The following DACH2 variants were observed in gnomAD, a reference collection of about 807,000 sequenced individuals.
DACH2 encodes the protein dachshund family transcription factor 2, also known as dachshund homolog 2.
A neutral mutation model predicts 35.8 loss-of-function variants in DACH2; 17 were observed. The observed-to-expected ratio is 0.48, with a 90% CI of 0.33 to 0.71. The LOEUF (loss-of-function observed/expected upper bound fraction) is 0.71, where lower values mean the gene tolerates loss of function less well. DACH2 is among the 30% of genes least tolerant of loss of function. The pLI, the probability that DACH2 is intolerant of heterozygous loss-of-function variation, is 0.02. For synonymous variants in DACH2, 195 were observed against 177.3 expected (o/e 1.10, Z -0.79); for missense variants, 469 against 472.7 (o/e 0.99, Z 0.07).
chrX:86,686,675 AC>A (rs2040948067), intron 4 of DACH2, among the ~76,000 whole-genome samples: 1 of 111,779 alleles, frequency 8.9e-6, no homozygotes, highest in Non-Finnish European at 1.9e-5. Flanking sequence ...ATCTGGCAAA[AC>A]CCCATTTTCT....
rs183626427 is a variant in DACH2, at chrX:86,541,277, C to T, written c.640+26886C>T. 1.7e-3 allele frequency among the ~76,000 whole-genome samples: 192 copies of T among 111,361 alleles called. 1 individual carries two copies. The highest frequency in any genetic ancestry group is 5.8e-3 in the African/African-American group (179 of 30,740). On this transcript the variant is annotated intron_variant, in intron 3 of 11. Coordinates refer to ENST00000373125, the MANE Select transcript of DACH2 (RefSeq NM_053281.3). ...ACAGTTTTGGCCTCTGTGATAAATG[C>T]TTCTTTACATCTCCAGAAAATAATA...
At chrX:86,543,672 A>G (rs1221192444) in intron 3 of DACH2, among the ~76,000 whole-genome samples, 1 of 110,635 alleles carries the variant, frequency 9.0e-6, no homozygotes, top group Admixed American at 9.6e-5. Context: ...CAAGAATGTC[A>G]GAATACAGTT....
chrX:86,346,891 G>T (rs943127161), intron 1 of DACH2, among the ~76,000 whole-genome samples: 3 of 111,632 alleles, frequency 2.7e-5, no homozygotes, highest in African/African-American at 9.8e-5. Flanking sequence ...GGTTAGGGAA[G>T]TGAGTATACT....
chrX:86,692,991 T>G (rs191533624), intron 4 of DACH2, among the ~76,000 whole-genome samples: 5 of 112,517 alleles, frequency 4.4e-5, no homozygotes, highest in African/African-American at 1.3e-4. Context: ...GTCTTATTGA[T>G]TTTAATTGAA....
At chrX:86,546,262 A>G (rs1370173215) in intron 3 of DACH2, among the ~76,000 whole-genome samples, 1 of 110,346 alleles carries the variant, frequency 9.1e-6, no homozygotes, top group African/African-American at 3.3e-5. Flanking sequence ...GTAGATGTTC[A>G]ATGTTTGGCT....
chrX:86,692,027 A>G (rs996709183), intron 4 of DACH2, among the ~76,000 whole-genome samples: 2 of 111,621 alleles, frequency 1.8e-5, no homozygotes, highest in Admixed American at 9.5e-5. Flanking sequence ...ATTAATGTTT[A>G]CACTTAAAAA....
At chrX:86,808,650 A>G (rs1177644311) in intron 7 of DACH2, among the ~76,000 whole-genome samples, 2 of 110,866 alleles carry the variant, frequency 1.8e-5, no homozygotes, top group African/African-American at 6.5e-5. Flanking sequence ...ATTGCCAAAA[A>G]AAAAAAAAAT....
chrX:86,511,796 A>G (rs768292556), intron 2 of DACH2, among the ~76,000 whole-genome samples: 3 of 111,783 alleles, frequency 2.7e-5, no homozygotes, highest in Non-Finnish European at 5.6e-5. Flanking sequence ...TAGGGCTTCT[A>G]AGTGAATAAG....
chrX:86,381,908 A>C (rs2036051954), intron 2 of DACH2, among the ~76,000 whole-genome samples: 1 of 109,775 alleles, frequency 9.1e-6, no homozygotes, highest in African/African-American at 3.3e-5. Context: ...ATTTCAAAGC[A>C]TCACATTCTA....
chrX:86,216,112 C>A (rs2032564807), intron 1 of DACH2, among the ~76,000 whole-genome samples: 1 of 111,960 alleles, frequency 8.9e-6, no homozygotes, highest in African/African-American at 3.2e-5. Flanking sequence ...CATTATTGAT[C>A]TCAAATTTGA....
In DACH2 at chrX:86,548,650, C is replaced by T. The variant is rs768760319; in HGVS notation, c.640+34259C>T. On this transcript the variant is annotated intron_variant, in intron 3 of 11. Transcript: ENST00000373125. The stretch of plus-strand genomic sequence containing the variant: ...CTACTGACACGTGAAACCCATTTTC[C>T]TTAAGTTAGAGAATACCAAAAGACA... Among the ~76,000 whole-genome samples the T allele has an allele frequency of 1.1e-4, 12 of 111,865 alleles. No homozygotes were observed. In the South Asian group the frequency reaches 4.1e-3, roughly 38 times the overall value.
chrX:86,614,252 T>G (rs1251947724), intron 3 of DACH2, among the ~76,000 whole-genome samples: 2 of 111,753 alleles, frequency 1.8e-5, no homozygotes, highest in African/African-American at 6.5e-5. Flanking sequence ...TAGGTGGAAC[T>G]TGATAGTGTT....
intron 4 of DACH2, among the ~76,000 whole-genome samples, chrX:86,669,000 A>G (rs192914665): frequency 1.8e-5 from 2 of 111,769 alleles, no homozygotes; most frequent in East Asian, 5.6e-4. Context: ...TTATATTCAA[A>G]CAAAGAATTT....
rs1227635662 is a variant in DACH2 at position 86,486,875 on chromosome X, T to A, written c.528-27404T>A. Among the ~76,000 whole-genome samples, 18 of 111,721 alleles carry A rather than the reference T, an allele frequency of 1.6e-4. No individual in the cohort carries two copies. The Admixed American group carries it at 1.7e-3, about 11-fold the overall frequency. ...TTAGCATAGTGCTAGACATATACTATGGGTTAATTTACCAGTATTTTTCTT... is the reference window on the plus strand; with the variant it reads ...TTAGCATAGTGCTAGACATATACTAAGGGTTAATTTACCAGTATTTTTCTT... On this transcript the variant is annotated intron_variant, in intron 2 of 11. Coordinates refer to ENST00000373125, the MANE Select transcript of DACH2 (RefSeq NM_053281.3).
At chrX:86,281,276 G>A (rs1005421932) in intron 1 of DACH2, among the ~76,000 whole-genome samples, 2 of 111,180 alleles carry the variant, frequency 1.8e-5, no homozygotes, top group African/African-American at 6.6e-5. Flanking sequence ...ACCAAATCCA[G>A]CAGCGCATTA....
chrX:86,818,026 C>T (rs1337222600), intron 11 of DACH2, among the ~76,000 whole-genome samples: 1 of 111,855 alleles, frequency 8.9e-6, no homozygotes, highest in Admixed American at 9.5e-5. Context: ...TTAAAAATGA[C>T]ACTGTCTAGT....
intron 2 of DACH2, among the ~76,000 whole-genome samples, chrX:86,506,081 C>A (rs1212478008): frequency 3.6e-5 from 4 of 111,701 alleles, no homozygotes; most frequent in Non-Finnish European, 7.5e-5. Context: ...TATTGCCTTG[C>A]AGTTCTGTAT....
At chrX:86,471,588 C>A (rs1355806340) in intron 2 of DACH2, among the ~76,000 whole-genome samples, 3 of 111,048 alleles carry the variant, frequency 2.7e-5, no homozygotes, top group Non-Finnish European at 3.8e-5. Flanking sequence ...AGATAAATAA[C>A]CACCCCAAAA....
chrX:86,314,920 G>T (rs755375583), intron 1 of DACH2, among the ~76,000 whole-genome samples: 3 of 112,564 alleles, frequency 2.7e-5, no homozygotes, highest in East Asian at 5.6e-4. Context: ...AAACAGCGAG[G>T]TGAAGCAGCA....
Sources: allele counts gnomAD v4.1 joint callset (sites outside exome capture counted in the v4.1 genomes callset), GRCh38; gene constraint gnomAD v4.1.1; transcripts MANE v1.5; gene names NCBI Gene and HGNC (gene_info 2026-07-23, HGNC 2026-07-21).